The following CCDC149 variants were observed in gnomAD, a reference collection of about 807,000 sequenced individuals.
CCDC149 encodes coiled-coil domain containing 149.
A neutral mutation model predicts 59.9 loss-of-function variants in CCDC149; 45 were observed. That is an observed-to-expected ratio of 0.75 (90% CI 0.59 to 0.96). CCDC149 has a LOEUF of 0.96. Among genes scored for constraint, CCDC149 ranks in the 40% least tolerant of loss-of-function variants. The pLI, the probability that CCDC149 is intolerant of heterozygous loss-of-function variation, is 0.00. For missense variants in CCDC149, 584 were observed against 664.7 expected (o/e 0.88, Z 1.33); for synonymous variants, 245 against 260.6 (o/e 0.94, Z 0.58).
chr4:24,874,253 T>TG (rs1397260409), intron 2 of CCDC149, among the ~76,000 whole-genome samples: 2 of 69,410 alleles, frequency 2.9e-5, no homozygotes, highest in Admixed American at 1.8e-4. Context: ...TGTTTTTTTT[T>TG]TTTTTTGTTT....
intron 1 of CCDC149, among the ~76,000 whole-genome samples, chr4:24,974,623 A>T (rs1724095481): frequency 6.6e-6 from 1 of 152,190 alleles, no homozygotes; most frequent in Admixed American, 6.5e-5. Context: ...AGCTTCTTAA[A>T]GGGAAGACAT....
At chr4:24,975,644 G>A (rs1170213532) in intron 1 of CCDC149, among the ~76,000 whole-genome samples, 1 of 151,682 alleles carries the variant, frequency 6.6e-6, no homozygotes, top group Non-Finnish European at 1.5e-5. Context: ...ATGGGGCTTG[G>A]GTCCATGCCC....
chr4:24,921,314 T>A (rs540746098), intron 1 of CCDC149, among the ~76,000 whole-genome samples: 3 of 152,190 alleles, frequency 2.0e-5, no homozygotes, highest in Non-Finnish European at 4.4e-5. Context: ...GCCCTATTGG[T>A]CACTGAAATA....
intron 1 of CCDC149, among the ~76,000 whole-genome samples, chr4:24,883,076 C>T (rs961423113): frequency 6.6e-6 from 1 of 152,194 alleles, no homozygotes; most frequent in Admixed American, 6.5e-5. Flanking sequence ...CTGGGATAAA[C>T]CTCACGGATA....
chr4:24,868,798 C>T (rs1207087931), intron 3 of CCDC149, among the ~76,000 whole-genome samples: 1 of 152,162 alleles, frequency 6.6e-6, no homozygotes, highest in Admixed American at 6.5e-5. Context: ...TGGGTGCTCC[C>T]TGAGTCATGG....
chr4:24,871,339 A>T (rs895999021), intron 3 of CCDC149, among the ~76,000 whole-genome samples: 1 of 152,250 alleles, frequency 6.6e-6, no homozygotes, highest in East Asian at 1.9e-4. Context: ...GTGCTGGTAC[A>T]GCATCAATGA....
chr4:24,891,250 A>T (rs114428294), intron 1 of CCDC149, among the ~76,000 whole-genome samples: 1,525 of 152,334 alleles, frequency 0.01, 13 homozygotes, highest in Non-Finnish European at 0.015. Context: ...GTGGGTGTAT[A>T]ATCCTCGTGA....
intron 1 of CCDC149, among the ~76,000 whole-genome samples, chr4:24,946,672 C>A (rs183908747): frequency 6.6e-6 from 1 of 152,262 alleles, no homozygotes; most frequent in East Asian, 1.9e-4. Context: ...TGTTAAATGG[C>A]AGTCTAAGGA....
intron 1 of CCDC149, among the ~76,000 whole-genome samples, chr4:24,878,655 C>G (rs1428368081): frequency 6.6e-6 from 1 of 152,234 alleles, no homozygotes; most frequent in South Asian, 2.1e-4. Flanking sequence ...AGACAGTCAC[C>G]TTTATCCCTT....
intron 8 of CCDC149, among the ~76,000 whole-genome samples, chr4:24,833,614 A>T (rs1354571622): frequency 6.6e-6 from 1 of 150,778 alleles, no homozygotes; most frequent in Non-Finnish European, 1.5e-5. Context: ...ACAGAGTGAG[A>T]CTGTCTCAAA....
intron 1 of CCDC149, among the ~76,000 whole-genome samples, chr4:24,878,488 C>G (rs1020217975): frequency 6.6e-6 from 1 of 152,124 alleles, no homozygotes; most frequent in Non-Finnish European, 1.5e-5. Flanking sequence ...AGGAGAGTGG[C>G]TCAGAAACCC....
At chr4:24,873,816 T>TTGGGG in intron 2 of CCDC149, 97 bp from the exon 3 acceptor site, 1 of 762,714 alleles carries the variant, frequency 1.3e-6, no homozygotes, top group Non-Finnish European at 2.2e-6. Flanking sequence ...ATGTAGACTC[T>TTGGGG]CCCCACCCTC....
At chr4:24,922,022 T>A (rs1577486658) in intron 1 of CCDC149, among the ~76,000 whole-genome samples, 1 of 152,280 alleles carries the variant, frequency 6.6e-6, no homozygotes, top group East Asian at 1.9e-4. Flanking sequence ...GAGAGAAGGA[T>A]CTGTTCCAGA....
At chr4:24,959,800 C>T (rs58608208) in intron 1 of CCDC149, among the ~76,000 whole-genome samples, 26,661 of 152,030 alleles carry the variant, frequency 0.18, 3,158 homozygotes, top group African/African-American at 0.32. Flanking sequence ...GAATTCTATC[C>T]CAAGCAAAAA....
intron 1 of CCDC149, among the ~76,000 whole-genome samples, chr4:24,961,238 T>C (rs762665936): frequency 1.3e-5 from 2 of 152,074 alleles, no homozygotes; most frequent in African/African-American, 2.4e-5. Flanking sequence ...GGTGGTGAGT[T>C]TCCTCCATAT....
intron 1 of CCDC149, among the ~76,000 whole-genome samples, chr4:24,978,232 T>C (rs927731871): frequency 1.3e-5 from 2 of 152,250 alleles, no homozygotes; most frequent in African/African-American, 2.4e-5. Context: ...TAGTCTGAGC[T>C]GAAATGTGCT....
intron 10 of CCDC149, among the ~76,000 whole-genome samples, chr4:24,822,204 TAAAAA>T (rs895410302): frequency 1.3e-5 from 2 of 150,982 alleles, no homozygotes; most frequent in Non-Finnish European, 3.0e-5. Flanking sequence ...TCACAAAAGT[TAAAAA>T]AAAATACAGA....
At chr4:24,936,651 A>C (rs1441822872) in intron 1 of CCDC149, among the ~76,000 whole-genome samples, 2 of 152,118 alleles carry the variant, frequency 1.3e-5, no homozygotes, top group South Asian at 2.1e-4. Context: ...AGGACACCAA[A>C]ATGTGTCCCT....
chr4:24,852,722 C>T (rs1007485507), intron 4 of CCDC149, among the ~76,000 whole-genome samples: 3 of 152,142 alleles, frequency 2.0e-5, no homozygotes, highest in African/African-American at 7.2e-5. Flanking sequence ...TCCAAATCAT[C>T]TGAGCCACAA....
Sources: allele counts gnomAD v4.1 joint callset (sites outside exome capture counted in the v4.1 genomes callset), GRCh38; gene constraint gnomAD v4.1.1; transcripts MANE v1.5; gene names NCBI Gene and HGNC (gene_info 2026-07-23, HGNC 2026-07-21).